Variants in CTNNA3 observed in about 807,000 individuals in gnomAD.
The protein encoded by CTNNA3 is catenin alpha-3.
In CTNNA3, 76 loss-of-function variants were observed where a neutral mutation model predicts 95.7. The ratio of observed to expected loss-of-function variants is 0.79; its 90% confidence interval spans 0.66 to 0.96. The LOEUF (loss-of-function observed/expected upper bound fraction) is 0.96. Ranked by LOEUF, CTNNA3 falls within the 40% of genes least tolerant of loss-of-function variation. The pLI, the probability that CTNNA3 is intolerant of heterozygous loss-of-function variation, is 0.00. For synonymous variants in CTNNA3, 431 were observed against 374.4 expected, an observed-to-expected ratio of 1.15 and a Z score of -1.74; for missense variants, 1,191 against 1,089.8, an observed-to-expected ratio of 1.09 and a Z score of -1.31.
intron 7 of CTNNA3, among the ~76,000 whole-genome samples, chr10:66,852,168 G>C (rs1176377660): frequency 1.3e-5 from 2 of 152,116 alleles, no homozygotes; most frequent in African/African-American, 4.8e-5. Flanking sequence ...CATGCAAAAA[G>C]TATGGTACTT....
At chr10:66,860,570 C>T (rs1843875828) in intron 7 of CTNNA3, among the ~76,000 whole-genome samples, 1 of 152,140 alleles carries the variant, frequency 6.6e-6, no homozygotes, top group South Asian at 2.1e-4. Context: ...CAGGTGTCTA[C>T]TCAGGTGCTT....
intron 5 of CTNNA3, among the ~76,000 whole-genome samples, chr10:67,265,376 C>A (rs1006229935): frequency 6.6e-6 from 1 of 151,992 alleles, no homozygotes. Flanking sequence ...TAGACACATA[C>A]AAAACAAATA....
At chr10:66,385,730 A>C (rs2092884786) in intron 11 of CTNNA3, among the ~76,000 whole-genome samples, 1 of 152,186 alleles carries the variant, frequency 6.6e-6, no homozygotes, top group Non-Finnish European at 1.5e-5. Flanking sequence ...GCACATCAAA[A>C]AGCTCATCCA....
At chr10:66,234,032 A>G (rs2132018826) in intron 13 of CTNNA3, among the ~76,000 whole-genome samples, 1 of 152,220 alleles carries the variant, frequency 6.6e-6, no homozygotes, top group South Asian at 2.1e-4. Context: ...ATATAAAACT[A>G]AAAAATAACA....
At chr10:67,616,151 G>A (rs921848276) in intron 2 of CTNNA3, among the ~76,000 whole-genome samples, 2 of 152,052 alleles carry the variant, frequency 1.3e-5, no homozygotes, top group African/African-American at 4.8e-5. Context: ...GAAGAAACAG[G>A]CGCAAAGGTT....
chr10:66,617,880 A>G (rs888977987), intron 10 of CTNNA3, among the ~76,000 whole-genome samples: 25 of 151,290 alleles, frequency 1.7e-4, no homozygotes, highest in African/African-American at 5.8e-4. Flanking sequence ...ATATAAAACC[A>G]ATGTACAAAA....
At chr10:67,266,801 TA>T (rs1235688858) in intron 5 of CTNNA3, among the ~76,000 whole-genome samples, 4 of 152,074 alleles carry the variant, frequency 2.6e-5, no homozygotes, top group Admixed American at 6.6e-5. Context: ...ACTAAGAGAG[TA>T]AACTTCAAAT....
At chr10:67,586,964 C>T (rs1381282814) in intron 3 of CTNNA3, among the ~76,000 whole-genome samples, 1 of 152,052 alleles carries the variant, frequency 6.6e-6, no homozygotes, top group Admixed American at 6.6e-5. Context: ...GCTTGCTCTA[C>T]CAATGACTTA....
At chr10:66,783,718 T>C (rs1840631875) in intron 7 of CTNNA3, among the ~76,000 whole-genome samples, 2 of 152,190 alleles carry the variant, frequency 1.3e-5, no homozygotes, top group Non-Finnish European at 2.9e-5. Context: ...ATTACACACA[T>C]AGACCAAATA....
At chr10:66,189,852 G>T (rs535748822) in intron 13 of CTNNA3, among the ~76,000 whole-genome samples, 1 of 151,584 alleles carries the variant, frequency 6.6e-6, no homozygotes, top group Non-Finnish European at 1.5e-5. Context: ...TTTATGACAA[G>T]GTCTACAAAT....
At chr10:66,159,493 C>T (rs1487505836) in intron 13 of CTNNA3, among the ~76,000 whole-genome samples, 1 of 151,916 alleles carries the variant, frequency 6.6e-6, no homozygotes, top group Non-Finnish European at 1.5e-5. Context: ...TCCCTGCATC[C>T]CTGGTATGAA....
intron 6 of CTNNA3, among the ~76,000 whole-genome samples, chr10:67,181,029 G>A (rs986307320): frequency 4.6e-5 from 7 of 152,188 alleles, no homozygotes; most frequent in Non-Finnish European, 1.5e-5. Context: ...CTGATGATGA[G>A]TGAGGCTGAA....
In CTNNA3 at chr10:66,116,140, T is replaced by C. The variant is rs111661533; in HGVS notation, c.1885-12891A>G. 9.4e-3 allele frequency among the ~76,000 whole-genome samples: 1,437 copies of C among 152,326 alleles called. 18 individuals are homozygous for C. Among genetic ancestry groups the C allele is most frequent in the African/African-American group, 0.032 (1,344 of 41,580 alleles). On this transcript the variant is annotated intron_variant, in intron 13 of 17. Coordinates refer to ENST00000433211, the MANE Select transcript of CTNNA3 (RefSeq NM_013266.4). ...GTTCCAAAACTAAAAGGCCTATTTG[T>C]AGAGGCAAGTGAATACATCATTGTA...
At chr10:67,422,247 AT>A (rs2132870827) in intron 5 of CTNNA3, among the ~76,000 whole-genome samples, 1 of 152,250 alleles carries the variant, frequency 6.6e-6, no homozygotes, top group South Asian at 2.1e-4. Flanking sequence ...AAATTTCCTG[AT>A]TTTGATAACT....
chr10:66,901,441 A>G (rs1001848397), intron 7 of CTNNA3, among the ~76,000 whole-genome samples: 6 of 152,248 alleles, frequency 3.9e-5, no homozygotes, highest in Non-Finnish European at 8.8e-5. Context: ...TCTAAAGACC[A>G]TAGATGCTAT....
intron 3 of CTNNA3, among the ~76,000 whole-genome samples, chr10:67,596,690 T>A (rs2133358879): frequency 6.6e-6 from 1 of 152,328 alleles, no homozygotes. Context: ...TCTCTCTAGA[T>A]GCCTATAGTA....
intron 5 of CTNNA3, among the ~76,000 whole-genome samples, chr10:67,374,060 A>G (rs1368084818): frequency 1.3e-5 from 2 of 152,194 alleles, no homozygotes; most frequent in Non-Finnish European, 2.9e-5. Context: ...TGCACATTTT[A>G]AAAACTTTCA....
intron 7 of CTNNA3, among the ~76,000 whole-genome samples, chr10:66,989,187 C>T (rs1393328959): frequency 1.3e-5 from 2 of 151,980 alleles, no homozygotes; most frequent in African/African-American, 4.8e-5. Context: ...AATGCCAAGC[C>T]CTTATTCCTC....
chr10:67,761,607 G>A (rs569812888), intron 1 of CTNNA3, among the ~76,000 whole-genome samples: 9 of 152,226 alleles, frequency 5.9e-5, no homozygotes, highest in Admixed American at 4.6e-4. Context: ...AGCCGGGCGC[G>A]GTGGTTCACG....
Sources: gnomAD v4.1 joint callset for allele counts (sites outside exome capture counted in the v4.1 genomes callset) on GRCh38, gnomAD v4.1.1 for gene constraint, MANE v1.5 for transcripts, NCBI Gene and HGNC (gene_info 2026-07-23, HGNC 2026-07-21) for gene names.